Variants in ROBO2 observed in about 807,000 individuals in gnomAD.
The protein encoded by ROBO2 is roundabout guidance receptor 2.
Under a neutral mutation model 160.8 loss-of-function variants are expected in ROBO2, and 53 were observed. The observed-to-expected ratio is 0.33, with a 90% CI of 0.26 to 0.41. The LOEUF (loss-of-function observed/expected upper bound fraction) is 0.41. Ranked by LOEUF, ROBO2 falls within the 10% of genes least tolerant of loss-of-function variation. The pLI is 1.00. For synonymous variants in ROBO2, 664 were observed against 611.7 expected (o/e 1.09, Z -1.26); for missense variants, 1,577 against 1,722.4 (o/e 0.92, Z 1.49).
intron 2 of ROBO2, among the ~76,000 whole-genome samples, chr3:76,417,244 AC>A (rs2075793463): frequency 6.6e-6 from 1 of 152,224 alleles, no homozygotes; most frequent in South Asian, 2.1e-4. Context: ...TGCATATAAG[AC>A]AACTCTGACT....
intron 2 of ROBO2, among the ~76,000 whole-genome samples, chr3:76,869,540 G>A (rs1013696108): frequency 4.6e-5 from 7 of 151,492 alleles, no homozygotes; most frequent in African/African-American, 7.3e-5. Flanking sequence ...TAGTGGAGAC[G>A]GGGTTTCACC....
At chr3:76,247,272 C>T (rs1559680929) in intron 2 of ROBO2, among the ~76,000 whole-genome samples, 1 of 151,950 alleles carries the variant, frequency 6.6e-6, no homozygotes, top group Non-Finnish European at 1.5e-5. Context: ...TTTTTATGGC[C>T]ACTGCTCCAA....
At chr3:76,208,956 G>C (rs923769931) in intron 2 of ROBO2, among the ~76,000 whole-genome samples, 2 of 152,014 alleles carry the variant, frequency 1.3e-5, no homozygotes, top group Non-Finnish European at 2.9e-5. Flanking sequence ...GCATGTACCT[G>C]CTTTCATGAA....
intron 2 of ROBO2, among the ~76,000 whole-genome samples, chr3:76,893,374 AT>A (rs747832876): frequency 3.3e-4 from 50 of 152,194 alleles, no homozygotes; most frequent in South Asian, 8.3e-4. Context: ...AGCTGAATTC[AT>A]TTAATTCATT....
intron 2 of ROBO2, among the ~76,000 whole-genome samples, chr3:76,024,968 A>G (rs1047945031): frequency 7.3e-5 from 11 of 150,036 alleles, no homozygotes; most frequent in Admixed American, 4.7e-4. Flanking sequence ...ATATGTGTGT[A>G]TATATATATG....
intron 5 of ROBO2, among the ~76,000 whole-genome samples, chr3:77,521,532 GT>G (rs1454385508): frequency 1.3e-5 from 2 of 151,248 alleles, no homozygotes; most frequent in Non-Finnish European, 3.0e-5. Context: ...TAGTGGATAA[GT>G]TTTTTCCCTA....
At chr3:76,544,429 A>T (rs1009634235) in intron 2 of ROBO2, among the ~76,000 whole-genome samples, 1 of 152,056 alleles carries the variant, frequency 6.6e-6, no homozygotes, top group African/African-American at 2.4e-5. Context: ...ATCTATTTTG[A>T]CTAGAGTTTT....
chr3:76,465,816 T>C (rs2078329270), intron 2 of ROBO2, among the ~76,000 whole-genome samples: 1 of 152,076 alleles, frequency 6.6e-6, no homozygotes, highest in Non-Finnish European at 1.5e-5. Flanking sequence ...TGAAGACCAC[T>C]GCCTAAGGGA....
intron 6 of ROBO2, among the ~76,000 whole-genome samples, chr3:77,529,928 AT>A (rs896746990): frequency 1.3e-3 from 190 of 151,888 alleles, no homozygotes; most frequent in Non-Finnish European, 2.2e-3. Flanking sequence ...AATTAGCCTC[AT>A]TTTTTTTGTA....
intron 1 of ROBO2, among the ~76,000 whole-genome samples, chr3:77,057,501 T>G (rs1025074983): frequency 4.6e-5 from 7 of 151,964 alleles, no homozygotes; most frequent in Non-Finnish European, 1.5e-5. Flanking sequence ...GGCACATCTG[T>G]CTTTTAGTCA....
chr3:77,447,310 C>A (rs2080635355), intron 2 of ROBO2, among the ~76,000 whole-genome samples: 1 of 152,040 alleles, frequency 6.6e-6, no homozygotes, highest in Non-Finnish European at 1.5e-5. Context: ...ACATAGTATT[C>A]TGAATGTCAA....
At chr3:76,292,140 C>A (rs1370208658) in intron 2 of ROBO2, among the ~76,000 whole-genome samples, 4 of 152,112 alleles carry the variant, frequency 2.6e-5, no homozygotes, top group African/African-American at 4.8e-5. Flanking sequence ...GTGTGGCTAT[C>A]TAAGTTTCTA....
In ROBO2 at chr3:76,155,468, A is replaced by T. The variant is rs114260339; in HGVS notation, c.109+217866A>T. On this transcript the variant is annotated intron_variant, in intron 2 of 26. Transcript: ENST00000487694. ...GATAGAACAAAGTTTACAATGGGGA[A>T]AATTAAATTATAATGTTTGTGAAAG... Among the ~76,000 whole-genome samples, 554 of 152,326 alleles carry T rather than the reference A, an allele frequency of 3.6e-3. 3 individuals carry two copies. The highest frequency in any genetic ancestry group is 6.9e-3 in the Non-Finnish European group (466 of 68,024).
At chr3:76,714,870 C>G (rs1294354278) in intron 2 of ROBO2, among the ~76,000 whole-genome samples, 1 of 152,158 alleles carries the variant, frequency 6.6e-6, no homozygotes, top group Non-Finnish European at 1.5e-5. Context: ...TCAAGACAGT[C>G]TGTTTTTCTT....
intron 2 of ROBO2, among the ~76,000 whole-genome samples, chr3:75,985,208 T>A (rs2065381476): frequency 1.3e-5 from 2 of 151,538 alleles, no homozygotes; most frequent in African/African-American, 4.8e-5. Context: ...CCTACTCATT[T>A]TATTATCATG....
At chr3:77,395,917 G>GC (rs896086299) in intron 2 of ROBO2, among the ~76,000 whole-genome samples, 7 of 151,554 alleles carry the variant, frequency 4.6e-5, no homozygotes, top group Admixed American at 1.3e-4. Flanking sequence ...ATTCAGACCT[G>GC]CCCCCCTTTT....
At chr3:77,248,768 T>C (rs2090022513) in intron 2 of ROBO2, among the ~76,000 whole-genome samples, 3 of 124,610 alleles carry the variant, frequency 2.4e-5, no homozygotes, top group Non-Finnish European at 3.4e-5. Context: ...TGCTTCAACA[T>C]CACTTGCTCT....
At chr3:76,220,543 G>A (rs1703897033) in intron 2 of ROBO2, among the ~76,000 whole-genome samples, 1 of 152,028 alleles carries the variant, frequency 6.6e-6, no homozygotes, top group African/African-American at 2.4e-5. Context: ...CAAATGCCTT[G>A]GGAGCATTGA....
intron 2 of ROBO2, among the ~76,000 whole-genome samples, chr3:76,391,013 T>C (rs1254902472): frequency 6.6e-6 from 1 of 152,134 alleles, no homozygotes; most frequent in East Asian, 1.9e-4. Context: ...AATAGATTAA[T>C]TAAATTCAGT....
Sources: allele counts gnomAD v4.1 joint callset (sites outside exome capture counted in the v4.1 genomes callset), GRCh38; gene constraint gnomAD v4.1.1; transcripts MANE v1.5; gene names NCBI Gene and HGNC (gene_info 2026-07-23, HGNC 2026-07-21).